Variants in HIP1 observed in about 807,000 individuals in gnomAD.
HIP1 encodes the protein huntingtin interacting protein 1.
In HIP1, 65 loss-of-function variants were observed where a neutral mutation model predicts 147.6. The observed-to-expected ratio is 0.44, with a 90% CI of 0.36 to 0.54. The LOEUF (loss-of-function observed/expected upper bound fraction) is 0.54. HIP1 is among the 20% of genes least tolerant of loss of function. HIP1 has a pLI of 0.00. For synonymous variants in HIP1, 479 were observed against 504.0 expected (o/e 0.95, Z 0.67); for missense variants, 1,061 against 1,299.6 (o/e 0.82, Z 2.82).
At chr7:75,624,328 C>T (rs1427839002) in intron 1 of HIP1, among the ~76,000 whole-genome samples, 2 of 152,152 alleles carry the variant, frequency 1.3e-5, no homozygotes, top group Non-Finnish European at 2.9e-5. Flanking sequence ...ATTTCATCAT[C>T]GGCTGCACGG....
At chr7:75,681,207 C>T (rs1166834112) in intron 1 of HIP1, among the ~76,000 whole-genome samples, 1 of 152,166 alleles carries the variant, frequency 6.6e-6, no homozygotes, top group Non-Finnish European at 1.5e-5. Flanking sequence ...GCCACCGCGC[C>T]CAGTGATAAA....
chr7:75,682,582 A>AAAACAAAACG (rs1340577609), intron 1 of HIP1, among the ~76,000 whole-genome samples: 52 of 28,634 alleles, frequency 1.8e-3, no homozygotes, highest in South Asian at 3.8e-3. Flanking sequence ...TTACAGACAG[A>AAAACAAAACG]AAACAAAACA....
chr7:75,559,673 T>A (rs1389850637), intron 14 of HIP1, 59 bp downstream of exon 14: 3 of 1,365,954 alleles, frequency 2.2e-6, no homozygotes, highest in Non-Finnish European at 3.0e-6. Context: ...TGAGTCCAGC[T>A]GGGCTCTGCT....
At chr7:75,671,689 A>G (rs566807523) in intron 1 of HIP1, among the ~76,000 whole-genome samples, 40 of 152,034 alleles carry the variant, frequency 2.6e-4, no homozygotes, top group Non-Finnish European at 4.0e-4. Flanking sequence ...AATCATGCAC[A>G]AGGATTCCAA....
At chr7:75,628,991 A>AG (rs1798129301) in intron 1 of HIP1, among the ~76,000 whole-genome samples, 2 of 152,170 alleles carry the variant, frequency 1.3e-5, no homozygotes, top group Admixed American at 1.3e-4. Flanking sequence ...ATCTTGAGCT[A>AG]GGGGGAGTAG....
chr7:75,633,103 G>A (rs149800544), intron 1 of HIP1, among the ~76,000 whole-genome samples: 217 of 152,038 alleles, frequency 1.4e-3, no homozygotes, highest in African/African-American at 4.9e-3. Flanking sequence ...AGCATGGCAC[G>A]TGTTTACCTA....
chr7:75,595,286 TTC>T (rs1417856421), intron 2 of HIP1, among the ~76,000 whole-genome samples: 1 of 141,438 alleles, frequency 7.1e-6, no homozygotes, highest in East Asian at 2.0e-4. Context: ...CTTCCTTCCT[TTC>T]TTTCTTTCTC....
chr7:75,614,392 GACAC>G (rs148907808), intron 1 of HIP1, among the ~76,000 whole-genome samples: 2,063 of 150,450 alleles, frequency 0.014, 43 homozygotes, highest in African/African-American at 0.048. Flanking sequence ...CACACACATA[GACAC>G]ACACACACAC....
intron 1 of HIP1, among the ~76,000 whole-genome samples, chr7:75,694,748 G>C (rs1800581019): frequency 6.6e-6 from 1 of 151,058 alleles, no homozygotes; most frequent in African/African-American, 2.4e-5. Context: ...GGCCTCAAGT[G>C]ATCCTCTCAT....
chr7:75,730,679 G>T (rs1045954647), intron 1 of HIP1, among the ~76,000 whole-genome samples: 1 of 151,618 alleles, frequency 6.6e-6, no homozygotes, highest in East Asian at 2.0e-4. Flanking sequence ...TGCAAGGATC[G>T]AAAAGGGTGG....
chr7:75,705,173 C>T (rs1042634882), intron 1 of HIP1, among the ~76,000 whole-genome samples: 5 of 152,104 alleles, frequency 3.3e-5, no homozygotes, highest in Non-Finnish European at 5.9e-5. Context: ...ACAATTTCTC[C>T]CCATCTCCCT....
intron 23 of HIP1, among the ~76,000 whole-genome samples, 160 bp downstream of exon 23, chr7:75,548,731 T>C (rs1554491496): frequency 1.3e-5 from 2 of 152,108 alleles, no homozygotes; most frequent in Non-Finnish European, 2.9e-5. Flanking sequence ...CCCAAGGTGC[T>C]GGGGTTACAG....
intron 1 of HIP1, among the ~76,000 whole-genome samples, chr7:75,655,303 G>C (rs1424519198): frequency 6.6e-6 from 1 of 151,768 alleles, no homozygotes; most frequent in Non-Finnish European, 1.5e-5. Flanking sequence ...CACAGGCCGG[G>C]CACGGTGGCT....
chr7:75,556,699 GA>G lies in HIP1; in HGVS notation c.1683+10del. ...AGACTCTATCTCCAAAAAAAAAAAG[GA>G]GGTATTTACCTGGGCAGAAGTTTCC... On this transcript the variant is annotated intron_variant, in intron 17 of 30. Coordinates refer to ENST00000336926, the MANE Select transcript of HIP1 (RefSeq NM_005338.7). The G allele has an allele frequency of 6.5e-7, 1 of 1,543,976 alleles. No individual in the cohort carries two copies.
chr7:75,604,302 G>A (rs1343311593), intron 1 of HIP1, among the ~76,000 whole-genome samples: 4 of 152,200 alleles, frequency 2.6e-5, no homozygotes, highest in Admixed American at 1.3e-4. Flanking sequence ...CCTGGACATG[G>A]TTAAGTTCCA....
chr7:75,605,337 T>C (rs1486125980), intron 1 of HIP1, among the ~76,000 whole-genome samples: 1 of 151,912 alleles, frequency 6.6e-6, no homozygotes, highest in Non-Finnish European at 1.5e-5. Context: ...TGGAAGGGCA[T>C]GGAGCATGCA....
rs140078348 is a variant in HIP1, at chr7:75,733,125, C to T, written c.120+5676G>A. On this transcript the variant is annotated intron_variant, in intron 1 of 30. Coordinates refer to ENST00000336926, the MANE Select transcript of HIP1 (RefSeq NM_005338.7). ...ATTTGTCCTGTGATTGACAGCCCTC[C>T]TGGCTGATTCCAGAATTGCCCTCTT... Among the ~76,000 whole-genome samples, 221 of 152,316 alleles carry T rather than the reference C, an allele frequency of 1.5e-3. 1 individual carries two copies. The highest frequency in any genetic ancestry group is 5.2e-3 in the African/African-American group (216 of 41,574).
chr7:75,556,341 G>T (rs997388417), intron 17 of HIP1, among the ~76,000 whole-genome samples, 172 bp from the exon 18 acceptor site: 2 of 152,132 alleles, frequency 1.3e-5, no homozygotes, highest in African/African-American at 4.8e-5. Context: ...GGCTGACTTG[G>T]CCAGGCCAAG....
At chr7:75,698,660 AT>A (rs200172518) in intron 1 of HIP1, among the ~76,000 whole-genome samples, 86 of 148,108 alleles carry the variant, frequency 5.8e-4, no homozygotes, top group Middle Eastern at 3.4e-3. Context: ...TCTAAATACA[AT>A]TTTTTTTTTT....
Sources: gnomAD v4.1 joint callset for allele counts (sites outside exome capture counted in the v4.1 genomes callset) on GRCh38, gnomAD v4.1.1 for gene constraint, MANE v1.5 for transcripts, NCBI Gene and HGNC (gene_info 2026-07-23, HGNC 2026-07-21) for gene names.